The following GNAQ variants were observed in gnomAD, a reference collection of about 807,000 sequenced individuals.
GNAQ encodes guanine nucleotide-binding protein G(q) subunit alpha.
GNAQ carries 8 observed loss-of-function variants against 43.9 expected under a neutral mutation model. The observed-to-expected ratio is 0.18, with a 90% confidence interval of 0.11 to 0.33. The LOEUF is 0.33. GNAQ is among the 10% of genes least tolerant of loss of function. The pLI, the probability that GNAQ is intolerant of heterozygous loss-of-function variation, is 1.00. For synonymous variants in GNAQ, 155 were observed against 170.7 expected (o/e 0.91, Z 0.71); for missense variants, 158 against 450.8 (o/e 0.35, Z 5.88).
chr9:77,854,715 T>C (rs1262310575), intron 2 of GNAQ, among the ~76,000 whole-genome samples: 1 of 152,166 alleles, frequency 6.6e-6, no homozygotes, highest in African/African-American at 2.4e-5. Context: ...AACCACAAAG[T>C]TCAAACTCTG....
chr9:77,992,641 T>C (rs186267367), intron 1 of GNAQ, among the ~76,000 whole-genome samples: 1 of 152,196 alleles, frequency 6.6e-6, no homozygotes. Flanking sequence ...GCTAGCAGGT[T>C]TGAAACAAAA....
At chr9:77,800,502 T>C (rs1826725658) in intron 3 of GNAQ, among the ~76,000 whole-genome samples, 1 of 152,052 alleles carries the variant, frequency 6.6e-6, no homozygotes, top group African/African-American at 2.4e-5. Flanking sequence ...ATATTCTCAC[T>C]CATAGGTGGG....
At chr9:77,726,869 G>A (rs768750431) in intron 6 of GNAQ, among the ~76,000 whole-genome samples, 2 of 152,096 alleles carry the variant, frequency 1.3e-5, no homozygotes, top group South Asian at 2.1e-4. Context: ...TCTAGACCAC[G>A]GCTTGGCAAA....
At chr9:77,803,217 G>GTAATA (rs1826774544) in intron 3 of GNAQ, among the ~76,000 whole-genome samples, 1 of 152,202 alleles carries the variant, frequency 6.6e-6, no homozygotes, top group Admixed American at 6.5e-5. Flanking sequence ...CCTGCATCAT[G>GTAATA]TAATAACCAA....
At chr9:77,875,523 A>G (rs1006972432) in intron 2 of GNAQ, among the ~76,000 whole-genome samples, 1 of 152,218 alleles carries the variant, frequency 6.6e-6, no homozygotes, top group African/African-American at 2.4e-5. Context: ...CTTCACGCAA[A>G]TAAGATCTCT....
intron 2 of GNAQ, among the ~76,000 whole-genome samples, chr9:77,902,250 TTTTG>T (rs1378206103): frequency 5.3e-4 from 80 of 152,360 alleles, no homozygotes; most frequent in African/African-American, 1.9e-3. Flanking sequence ...GTAAGGAGTA[TTTTG>T]TTTGCTTTTC....
intron 2 of GNAQ, among the ~76,000 whole-genome samples, chr9:77,830,979 A>G (rs1350883210): frequency 1.3e-5 from 2 of 152,238 alleles, no homozygotes; most frequent in Non-Finnish European, 2.9e-5. Flanking sequence ...TTAGTTTGAA[A>G]GAACAGCTGA....
intron 2 of GNAQ, among the ~76,000 whole-genome samples, chr9:77,832,778 C>T (rs760621766): frequency 4.6e-5 from 7 of 152,018 alleles, no homozygotes; most frequent in Non-Finnish European, 1.0e-4. Flanking sequence ...TTACGTTGTA[C>T]GGTTGTCAGA....
intron 1 of GNAQ, among the ~76,000 whole-genome samples, chr9:77,985,832 C>A (rs1262611664): frequency 6.6e-6 from 1 of 152,172 alleles, no homozygotes; most frequent in Non-Finnish European, 1.5e-5. Context: ...AGGTGATCCA[C>A]CCGCTTCAGC....
chr9:77,789,758 A>C (rs1020236842), intron 5 of GNAQ, among the ~76,000 whole-genome samples: 2 of 152,192 alleles, frequency 1.3e-5, no homozygotes, highest in Non-Finnish European at 2.9e-5. Flanking sequence ...TATACTGTAT[A>C]AATTCAATGT....
intron 5 of GNAQ, among the ~76,000 whole-genome samples, chr9:77,741,963 T>C (rs1333850038): frequency 1.3e-5 from 2 of 152,184 alleles, no homozygotes; most frequent in African/African-American, 4.8e-5. Context: ...GGGCAAACTC[T>C]TGGCTAAAAT....
chr9:77,738,573 A>C (rs913806507), intron 5 of GNAQ, among the ~76,000 whole-genome samples: 1 of 152,150 alleles, frequency 6.6e-6, no homozygotes, highest in African/African-American at 2.4e-5. Context: ...TGAGCTATGC[A>C]TAATTTTGGA....
intron 1 of GNAQ, among the ~76,000 whole-genome samples, chr9:77,934,668 T>C (rs1369413921): frequency 6.6e-5 from 10 of 152,310 alleles, no homozygotes; most frequent in East Asian, 3.9e-4. Flanking sequence ...GAAGGACTTA[T>C]ATATGTTCCA....
intron 1 of GNAQ, among the ~76,000 whole-genome samples, chr9:78,030,887 C>CTGTGTGTGTGTGTGTGTG (rs35071779): frequency 4.1e-5 from 6 of 146,156 alleles, no homozygotes; most frequent in African/African-American, 1.5e-4. Context: ...GTGTGTGTCG[C>CTGTGTGTGTGTGTGTGTG]TGTGTGTGTG....
chr9:77,765,833 G>A, intron 5 of GNAQ, among the ~76,000 whole-genome samples: 1 of 152,204 alleles, frequency 6.6e-6, no homozygotes, highest in East Asian at 1.9e-4. Context: ...AGGAACCCAA[G>A]TGTCCATTGG....
At chr9:77,875,353 T>G (rs1828110397) in intron 2 of GNAQ, among the ~76,000 whole-genome samples, 1 of 152,140 alleles carries the variant, frequency 6.6e-6, no homozygotes, top group African/African-American at 2.4e-5. Flanking sequence ...TAAATATAAT[T>G]TAACTTTTTA....
At chr9:77,888,746 T>A (rs1196813270) in intron 2 of GNAQ, among the ~76,000 whole-genome samples, 1 of 152,134 alleles carries the variant, frequency 6.6e-6, no homozygotes, top group East Asian at 1.9e-4. Flanking sequence ...ATGAGAAAGA[T>A]GAGGAAAATA....
At chr9:77,880,013 G>T (rs537646911) in intron 2 of GNAQ, among the ~76,000 whole-genome samples, 1 of 152,204 alleles carries the variant, frequency 6.6e-6, no homozygotes, top group Non-Finnish European at 1.5e-5. Context: ...CACACAGCAC[G>T]TTAGTGAGTA....
intron 1 of GNAQ, among the ~76,000 whole-genome samples, chr9:78,010,809 G>C (rs1823764603): frequency 6.6e-6 from 1 of 152,046 alleles, no homozygotes; most frequent in Non-Finnish European, 1.5e-5. Flanking sequence ...TGTAAAAACA[G>C]TACAATGTTG....
Sources: allele counts gnomAD v4.1 joint callset (sites outside exome capture counted in the v4.1 genomes callset), GRCh38; gene constraint gnomAD v4.1.1; transcripts MANE v1.5; gene names NCBI Gene and HGNC (gene_info 2026-07-23, HGNC 2026-07-21).